IDH3A: variants seen among roughly 807,000 people sequenced by gnomAD.
IDH3A encodes the protein isocitrate dehydrogenase (NAD(+)) 3 catalytic subunit alpha, also known as isocitrate dehydrogenase [NAD] subunit alpha, mitochondrial.
A neutral mutation model predicts 43.3 loss-of-function variants in IDH3A; 23 were observed. The observed-to-expected ratio is 0.53, with a 90% CI of 0.38 to 0.75. IDH3A has a LOEUF of 0.75. Ranked by LOEUF, IDH3A falls within the 30% of genes least tolerant of loss-of-function variation. IDH3A has a pLI of 0.00. For synonymous variants in IDH3A, 154 were observed against 163.5 expected (o/e 0.94, Z 0.44); for missense variants, 329 against 474.4 (o/e 0.69, Z 2.85).
At chr15:78,159,468 A>C (rs2074659475) in intron 3 of IDH3A, among the ~76,000 whole-genome samples, 1 of 152,166 alleles carries the variant, frequency 6.6e-6, no homozygotes, top group Non-Finnish European at 1.5e-5. Context: ...TCCATGTATC[A>C]GTACTATATG....
chr15:78,149,449 G>T lies in IDH3A; in HGVS notation c.27+19G>T. On this transcript the variant is annotated intron_variant, in intron 1 of 10. Transcript: ENST00000299518. ...CTCTAAGGTGAGCGCTGGCAGGCCGGCGTGTGGCAGGCAGGCAGGCCGCGA... is the reference window on the plus strand; with the variant it reads ...CTCTAAGGTGAGCGCTGGCAGGCCGTCGTGTGGCAGGCAGGCAGGCCGCGA... The T allele has an allele frequency of 6.5e-7, 1 of 1,534,540 alleles. No homozygotes were observed. Among genetic ancestry groups the T allele is most frequent in the Non-Finnish European group, 8.7e-7 (1 of 1,147,384 alleles).
chr15:78,156,280 G>C (rs72732578), intron 2 of IDH3A, among the ~76,000 whole-genome samples: 2 of 152,240 alleles, frequency 1.3e-5, no homozygotes, highest in African/African-American at 2.4e-5. Context: ...TGATGGAGGA[G>C]GTTATTTTTG....
Position 78,171,051 on chromosome 15 carries a change from G to A in IDH3A, c.*2046G>A, listed in dbSNP as rs1039178739. The A allele has an allele frequency of 4.2e-4, 65 of 156,616 alleles. No homozygotes were observed. Among genetic ancestry groups the A allele is most frequent in the Non-Finnish European group, 2.7e-4 (19 of 70,666 alleles). 9.7% of individuals were successfully genotyped at this position (156,616 alleles called of 1,614,324 possible). A position where few individuals can be genotyped will look rare whatever the true frequency, so the allele number is the denominator to read the frequency against. On this transcript the variant is annotated 3_prime_UTR_variant, in exon 11 of 11. Transcript: ENST00000299518. ...TGTGACTGATTGCTTTTCCTGCAGC[G>A]CACGTGAGCAGTATCAGCCATCTCT...
intron 2 of IDH3A, 21 bp downstream of exon 2, chr15:78,155,296 TA>T (rs1279452915): frequency 6.4e-7 from 1 of 1,562,090 alleles, no homozygotes; most frequent in Non-Finnish European, 8.8e-7. Flanking sequence ...TTATGTCTTT[TA>T]TTTTTTCCTT....
chr15:78,167,861 A>G (rs2074765159), intron 10 of IDH3A: 1 of 152,222 alleles, frequency 6.6e-6, no homozygotes, highest in African/African-American at 2.4e-5. Context: ...TCGTGTGGCC[A>G]AAATACAAGA....
In IDH3A at chr15:78,171,530, C is replaced by G; in HGVS notation, c.*2525C>G. On this transcript the variant is annotated 3_prime_UTR_variant, in exon 11 of 11. Transcript: ENST00000299518. ...AGCCGTTTCAGTTTCATCGTGGGAC[C>G]TAAAAGGGAAATGAGAAGAAATGAG... 6.2e-7 allele frequency: 1 copy of G among 1,613,786 alleles called. No homozygotes were observed. Among genetic ancestry groups the G allele is most frequent in the Non-Finnish European group, 8.5e-7 (1 of 1,179,738 alleles).
rs758939388 is a variant in IDH3A, at chr15:78,161,696, C to A, written c.405C>A (p.Thr135=). ...GTGTCTCTATCGAAGGCTATAAAAC[C>A]CCTTACACCGATGTAAATATTGTGA... ...RPCVSIEGYK[T]PYTDVNIVTI... Residue 135 remains threonine (T), a synonymous_variant, in exon 5 of 11, where the codon ACC becomes ACA. Coordinates refer to ENST00000299518, the MANE Select transcript of IDH3A (RefSeq NM_005530.3). This position sits in a 1 kb window ranked among gnomAD's most constrained non-coding sequence, Gnocchi z 4.8. 1 of 1,614,074 alleles carries A rather than the reference C, an allele frequency of 6.2e-7. No individual in the cohort carries two copies. The highest frequency in any genetic ancestry group is 8.5e-7 in the Non-Finnish European group (1 of 1,179,958).
chr15:78,153,322 T>G (rs2074594909), intron 1 of IDH3A, among the ~76,000 whole-genome samples: 1 of 152,256 alleles, frequency 6.6e-6, no homozygotes, highest in Non-Finnish European at 1.5e-5. Flanking sequence ...TGGTTGGGTC[T>G]TCTGTCACAA....
chr15:78,159,930 G>A (rs1463107249), intron 3 of IDH3A, 162 bp from the exon 4 acceptor site: 3 of 564,504 alleles, frequency 5.3e-6, no homozygotes. Flanking sequence ...GGGAGGCGGA[G>A]GTTATAGTGA....
At chr15:78,155,310 A>C in intron 2 of IDH3A, 35 bp downstream of exon 2, 1 of 1,429,290 alleles carries the variant, frequency 7.0e-7, no homozygotes, top group South Asian at 1.2e-5. Flanking sequence ...TTTTCCTTTT[A>C]GAAGTTTCTC....
Position 78,163,710 on chromosome 15 carries a change from T to C in IDH3A, c.715-6T>C, listed in dbSNP as rs749017182. On this transcript the variant is annotated splice_polypyrimidine_tract_variant and splice_region_variant and intron_variant, in intron 7 of 10. Transcript: ENST00000299518. ...ATTACTAAATGCACAAATGTATTCC[T>C]TGTAGATGGTACAAGATCCTTCCCA... is the stretch of plus-strand genomic sequence containing the variant. 6.2e-7 allele frequency: 1 copy of C among 1,611,404 alleles called. No individual in the cohort carries two copies. Among genetic ancestry groups the C allele is most frequent in the South Asian group, 1.1e-5 (1 of 90,982 alleles).
At chr15:78,150,996 C>G (rs1567067335) in intron 1 of IDH3A, 1 of 152,224 alleles carries the variant, frequency 6.6e-6, no homozygotes, top group Non-Finnish European at 1.5e-5. Flanking sequence ...GGCACTAAAG[C>G]AACACTTGAT....
At chr15:78,168,819 C>T (rs182901713) in intron 10 of IDH3A, 103 bp from the exon 11 acceptor site, 24 of 696,722 alleles carry the variant, frequency 3.4e-5, no homozygotes, top group Admixed American at 1.7e-4. Flanking sequence ...AAAGAGCAGC[C>T]GAGTAACTTG....
chr15:78,153,728 A>G (rs1325748826), intron 1 of IDH3A, among the ~76,000 whole-genome samples: 1 of 152,216 alleles, frequency 6.6e-6, no homozygotes, highest in African/African-American at 2.4e-5. Flanking sequence ...TTTTTAAAAA[A>G]TTTAATGCAG....
chr15:78,158,454 T>TAG (rs2074646182), intron 3 of IDH3A, among the ~76,000 whole-genome samples: 3 of 68,466 alleles, frequency 4.4e-5, no homozygotes, highest in Non-Finnish European at 7.1e-5. Context: ...CATACATATA[T>TAG]ATATATATAT....
rs2074689062 is a variant in IDH3A, at chr15:78,162,298, A to C, written c.542A>C (p.Glu181Ala). 1.2e-6 allele frequency: 2 copies of C among 1,613,940 alleles called. No individual in the cohort carries two copies. The highest frequency in any genetic ancestry group is 1.7e-5 in the Admixed American group (1 of 59,990). ...ITEGASKRIA[E>A]FAFEYARNNH... Reference sequence around the variant, plus strand: ...GAGGGGGCGAGCAAGCGCATTGCTGAGTTTGCCTTTGAGTATGCCCGGAAC... The same window carrying C: ...GAGGGGGCGAGCAAGCGCATTGCTGCGTTTGCCTTTGAGTATGCCCGGAAC... The change falls in exon 6 of 11, where the codon GAG becomes GCG. Residue 181 changes from glutamate (E) to alanine (A), a missense_variant. Transcript: ENST00000299518.
chr15:78,162,230 G>A lies in IDH3A; in HGVS notation c.478-4G>A, dbSNP rs1353404590. 2 of 1,613,986 alleles carry A rather than the reference G, an allele frequency of 1.2e-6. No homozygotes were observed. Among genetic ancestry groups the A allele is most frequent in the African/African-American group, 2.7e-5 (2 of 74,940 alleles). On this transcript the variant is annotated splice_region_variant and splice_polypyrimidine_tract_variant and intron_variant, in intron 5 of 10. Coordinates refer to ENST00000299518, the MANE Select transcript of IDH3A (RefSeq NM_005530.3). Reference sequence around the variant, plus strand: ...CCAGCAAGGTGGGACTTCCTGTCTTGCAGATTGTTGATGGAGTCGTGCAGA... The same window carrying A: ...CCAGCAAGGTGGGACTTCCTGTCTTACAGATTGTTGATGGAGTCGTGCAGA...
intron 1 of IDH3A, among the ~76,000 whole-genome samples, chr15:78,153,498 G>T (rs1228511841): frequency 6.6e-6 from 1 of 152,188 alleles, no homozygotes; most frequent in Non-Finnish European, 1.5e-5. Context: ...TTTGGCCAAT[G>T]GTTTTGGCAT....
chr15:78,161,906 T>C lies in IDH3A; in HGVS notation c.477+138T>C. On this transcript the variant is annotated intron_variant, in intron 5 of 10. Transcript: ENST00000299518. The surrounding 1 kb of genome is among the most constrained non-coding windows in gnomAD (Gnocchi z 4.8). ...GTGCTGGGTGTCTGGCTGACAGTACTCAAACAAATGTAAGGCATGGTGGTT... is the reference window on the plus strand; with the variant it reads ...GTGCTGGGTGTCTGGCTGACAGTACCCAAACAAATGTAAGGCATGGTGGTT... The C allele has an allele frequency of 3.8e-6, 3 of 782,672 alleles. No homozygotes were observed. The South Asian group carries it at 5.1e-5, about 13-fold the overall frequency. 48.5% of individuals were successfully genotyped at this position (782,672 alleles called of 1,614,324 possible). A position where few individuals can be genotyped will look rare whatever the true frequency, so the allele number is the denominator to read the frequency against.
Sources: gnomAD v4.1 joint callset for allele counts (sites outside exome capture counted in the v4.1 genomes callset) on GRCh38, gnomAD v4.1.1 for gene constraint, Gnocchi (gnomAD v3.1) non-coding constraint, MANE v1.5 for transcripts, NCBI Gene and HGNC (gene_info 2026-07-23, HGNC 2026-07-21) for gene names.